Variants in GALNT9 observed in about 807,000 individuals in gnomAD.
GALNT9 encodes the protein polypeptide N-acetylgalactosaminyltransferase 9.
In GALNT9, 47 loss-of-function variants were observed where a neutral mutation model predicts 63.1. The ratio of observed to expected loss-of-function variants is 0.75; its 90% CI spans 0.59 to 0.95. The LOEUF (loss-of-function observed/expected upper bound fraction) is 0.95. Ranked by LOEUF, GALNT9 falls within the 40% of genes least tolerant of loss-of-function variation. The probability of loss-of-function intolerance (pLI) is 0.00; values close to 1 mark genes in which losing one functional copy is unlikely to be tolerated. For synonymous variants in GALNT9, 396 were observed against 365.7 expected, an observed-to-expected ratio of 1.08 and a Z score of -0.94; for missense variants, 829 against 874.8, an observed-to-expected ratio of 0.95 and a Z score of 0.66.
intron 6 of GALNT9, among the ~76,000 whole-genome samples, chr12:132,206,842 C>A (rs1325331126): frequency 6.6e-6 from 1 of 152,050 alleles, no homozygotes; most frequent in East Asian, 1.9e-4. Context: ...CGGGGACAAT[C>A]CTATTTGTCC....
intron 6 of GALNT9, among the ~76,000 whole-genome samples, chr12:132,235,152 G>A (rs1372574707): frequency 1.6e-5 from 2 of 126,638 alleles, no homozygotes; most frequent in Non-Finnish European, 3.2e-5. Flanking sequence ...CCACACACTC[G>A]ATGGGGTGAC....
chr12:132,287,553 A>T (rs1386743180), intron 1 of GALNT9, among the ~76,000 whole-genome samples: 1 of 152,104 alleles, frequency 6.6e-6, no homozygotes, highest in Admixed American at 6.6e-5. Context: ...CAAGCCAAAG[A>T]TCAACACAGG....
chr12:132,235,700 CAA>C (rs1877980405), intron 6 of GALNT9, among the ~76,000 whole-genome samples: 130 of 148,356 alleles, frequency 8.8e-4, no homozygotes, highest in Middle Eastern at 7.1e-3. Context: ...GGCTGGAGTT[CAA>C]CCCTCGGGAC....
intron 6 of GALNT9, among the ~76,000 whole-genome samples, chr12:132,225,849 C>G (rs1402851888): frequency 2.0e-5 from 2 of 100,464 alleles, no homozygotes; most frequent in Non-Finnish European, 4.6e-5. Context: ...ACAACCCACA[C>G]CCCACACACT....
Position 132,207,262 on chromosome 12 carries a change from G to A in GALNT9, c.1078-3572C>T, listed in dbSNP as rs114770282. Among the ~76,000 whole-genome samples the A allele has an allele frequency of 3.8e-3, 585 of 152,296 alleles. 5 individuals are homozygous for A. Among genetic ancestry groups the A allele is most frequent in the African/African-American group, 0.013 (551 of 41,562 alleles). On this transcript the variant is annotated intron_variant, in intron 6 of 10. Transcript: ENST00000328957. ...CCCTCCCCATGGCTCAGCTCCGCAG[G>A]ACAGGGTTTCTGTCGCTTCTGCTCA...
chr12:132,328,660 TG>T (rs1869148777), intron 1 of GALNT9, among the ~76,000 whole-genome samples: 1 of 152,138 alleles, frequency 6.6e-6, no homozygotes, highest in Admixed American at 6.5e-5. Context: ...AGGCACTGCC[TG>T]CTTCTAGAGC....
chr12:132,266,309 C>T (rs563031774), intron 2 of GALNT9, among the ~76,000 whole-genome samples: 3 of 152,390 alleles, frequency 2.0e-5, no homozygotes, highest in East Asian at 1.9e-4. Flanking sequence ...CTCCGAGCAG[C>T]GCCTTTGCTT....
In GALNT9 at chr12:132,196,534, T is replaced by C; in HGVS notation, c.*573A>G. The stretch of plus-strand genomic sequence containing the variant: ...GCTGCCTAATCCTCTCTTTATTTGG[T>C]CTCTGCTGAAGCAGTCGTGCCAGCC... On this transcript the variant is annotated 3_prime_UTR_variant, in exon 11 of 11. Coordinates refer to ENST00000328957, the MANE Select transcript of GALNT9 (RefSeq NM_001122636.2). The C allele has an allele frequency of 1.0e-6, 1 of 985,816 alleles. No individual in the cohort carries two copies. Among genetic ancestry groups the C allele is most frequent in the Non-Finnish European group, 1.2e-6 (1 of 830,248 alleles). The allele number at this position is 985,816 out of a possible 1,614,324, so 61.1% of individuals were successfully genotyped here. A position where few individuals can be genotyped will look rare whatever the true frequency, so the allele number is the denominator to read the frequency against.
At chr12:132,284,838 G>A (rs1004837020) in intron 2 of GALNT9, among the ~76,000 whole-genome samples, 68 of 152,166 alleles carry the variant, frequency 4.5e-4, no homozygotes, top group African/African-American at 1.3e-3. Flanking sequence ...AGGGAGCTCC[G>A]GGTTCCTGCA....
chr12:132,215,766 G>A (rs961991042), intron 6 of GALNT9, among the ~76,000 whole-genome samples: 4 of 152,184 alleles, frequency 2.6e-5, no homozygotes, highest in African/African-American at 9.7e-5. Context: ...TGGGCGGGGG[G>A]CAGCCTCGCA....
chr12:132,251,031 G>A (rs1593085218), intron 5 of GALNT9, among the ~76,000 whole-genome samples: 4 of 152,220 alleles, frequency 2.6e-5, no homozygotes, highest in Admixed American at 2.6e-4. Context: ...GGGCACCGGA[G>A]CCGCGTCCTT....
intron 6 of GALNT9, among the ~76,000 whole-genome samples, chr12:132,224,661 CTGT>C (rs1877575961): frequency 1.8e-5 from 2 of 110,842 alleles, no homozygotes; most frequent in Non-Finnish European, 1.9e-5. Flanking sequence ...ACACCCCACA[CTGT>C]ACCTATACAC....
Position 132,286,558 on chromosome 12 carries a change from A to C in GALNT9, c.239-128T>G. On this transcript the variant is annotated intron_variant, in intron 1 of 10. Coordinates refer to ENST00000328957, the MANE Select transcript of GALNT9 (RefSeq NM_001122636.2). This position sits in a 1 kb window ranked among gnomAD's most constrained non-coding sequence, Gnocchi z 7.4. ...GGTACAAGCCCAGCAAACTCCCTGC[A>C]GATGGCAGGCTGCCAGCTCAGGACA... is the stretch of plus-strand genomic sequence containing the variant. The C allele has an allele frequency of 7.3e-7, 1 of 1,377,060 alleles. No individual in the cohort carries two copies. The highest frequency in any genetic ancestry group is 9.6e-7 in the Non-Finnish European group (1 of 1,045,910). 85.3% of individuals were successfully genotyped at this position (1,377,060 alleles called of 1,614,324 possible). A position where few individuals can be genotyped will look rare whatever the true frequency, so the allele number is the denominator to read the frequency against.
chr12:132,201,657 G>A (rs1360309718), intron 7 of GALNT9, among the ~76,000 whole-genome samples: 1 of 152,200 alleles, frequency 6.6e-6, no homozygotes, highest in Non-Finnish European at 1.5e-5. Context: ...GACCAGCCTG[G>A]TGAGGACCCT....
At chr12:132,309,988 C>T (rs1754456473) in intron 1 of GALNT9, among the ~76,000 whole-genome samples, 1 of 152,270 alleles carries the variant, frequency 6.6e-6, no homozygotes, top group Admixed American at 6.5e-5. Context: ...GCCCGACCAA[C>T]ACCCAGTCAG....
chr12:132,318,073 T>A (rs1201319193), intron 1 of GALNT9, among the ~76,000 whole-genome samples: 1 of 152,108 alleles, frequency 6.6e-6, no homozygotes, highest in African/African-American at 2.4e-5. Flanking sequence ...AAACCCTGTC[T>A]CTATCAAAAA....
intron 2 of GALNT9, among the ~76,000 whole-genome samples, chr12:132,263,094 A>G (rs1460828755): frequency 6.6e-6 from 1 of 151,998 alleles, no homozygotes; most frequent in Non-Finnish European, 1.5e-5. Context: ...CAGCTTCAGG[A>G]GCACGTTGGG....
At chr12:132,197,308 C>G in intron 10 of GALNT9, 55 bp from the exon 11 acceptor site, 1 of 1,591,596 alleles carries the variant, frequency 6.3e-7, no homozygotes, top group Non-Finnish European at 8.5e-7. Flanking sequence ...GTTCCCCCTC[C>G]CCCCACCTCA....
At position 132,265,614 on chromosome 12, in the gene GALNT9, A is replaced by G. The variant is rs1566005253; in HGVS notation, c.420-2989T>C. The stretch of plus-strand genomic sequence containing the variant: ...CAGGCTTCGCAAGGTAAGCAGCCCC[A>G]CAGGACACCAGCCGACAGCCGGATG... On this transcript the variant is annotated intron_variant, in intron 2 of 10. Transcript: ENST00000328957. This position sits in a 1 kb window ranked among gnomAD's most constrained non-coding sequence, Gnocchi z 5.3. Among the ~76,000 whole-genome samples the G allele has an allele frequency of 6.6e-6, 1 of 152,076 alleles. No homozygotes were observed. Among genetic ancestry groups the G allele is most frequent in the African/African-American group, 2.4e-5 (1 of 41,394 alleles).
Sources: allele counts gnomAD v4.1 joint callset (sites outside exome capture counted in the v4.1 genomes callset), GRCh38; gene constraint gnomAD v4.1.1; non-coding constraint Gnocchi (gnomAD v3.1); transcripts MANE v1.5; gene names NCBI Gene and HGNC (gene_info 2026-07-23, HGNC 2026-07-21).